GRIK1: variants seen among roughly 807,000 people sequenced by gnomAD.
GRIK1 encodes glutamate ionotropic receptor kainate type subunit 1, also known as glutamate receptor ionotropic, kainate 1.
In GRIK1, 69 loss-of-function variants were observed where a neutral mutation model predicts 105.7. The observed-to-expected ratio is 0.65, with a 90% CI of 0.54 to 0.80. The LOEUF (loss-of-function observed/expected upper bound fraction) is 0.80. GRIK1 is among the 30% of genes least tolerant of loss of function. GRIK1 has a pLI of 0.00. For synonymous variants in GRIK1, 438 were observed against 431.3 expected (o/e 1.02, Z -0.19); for missense variants, 1,109 against 1,167.3 (o/e 0.95, Z 0.73).
intron 1 of GRIK1, among the ~76,000 whole-genome samples, chr21:29,753,877 T>G (rs1335177220): frequency 2.0e-5 from 3 of 152,118 alleles, no homozygotes; most frequent in African/African-American, 7.2e-5. Flanking sequence ...ATATATAATA[T>G]ATAGTTATGT....
chr21:29,600,174 G>A (rs2061493213), intron 7 of GRIK1, among the ~76,000 whole-genome samples: 1 of 152,160 alleles, frequency 6.6e-6, no homozygotes, highest in Non-Finnish European at 1.5e-5. Flanking sequence ...AACTCACCTG[G>A]ATAATTTCCC....
At chr21:29,605,729 T>G (rs2061600976) in intron 7 of GRIK1, among the ~76,000 whole-genome samples, 1 of 152,188 alleles carries the variant, frequency 6.6e-6, no homozygotes, top group African/African-American at 2.4e-5. Flanking sequence ...CCAGCATCTG[T>G]TGAAAAGGAA....
chr21:29,785,586 C>T (rs886605462), intron 1 of GRIK1, among the ~76,000 whole-genome samples: 1 of 141,406 alleles, frequency 7.1e-6, no homozygotes, highest in Non-Finnish European at 1.5e-5. Flanking sequence ...AAAAAAAAAG[C>T]CCCCGAAAAA....
intron 1 of GRIK1, among the ~76,000 whole-genome samples, chr21:29,804,004 G>A (rs1255926478): frequency 6.6e-6 from 1 of 152,088 alleles, no homozygotes; most frequent in Non-Finnish European, 1.5e-5. Flanking sequence ...GATAAACCTG[G>A]TCTGGGAGAA....
At chr21:29,875,003 T>TG (rs1371676800) in intron 1 of GRIK1, among the ~76,000 whole-genome samples, 1 of 141,110 alleles carries the variant, frequency 7.1e-6, no homozygotes, top group Non-Finnish European at 1.5e-5. Flanking sequence ...GTTTCAGGGT[T>TG]TTTTTTTTTT....
chr21:29,674,051 G>A (rs374120269), intron 3 of GRIK1, among the ~76,000 whole-genome samples: 3 of 150,182 alleles, frequency 2.0e-5, no homozygotes, highest in African/African-American at 7.4e-5. Flanking sequence ...TCCATCATAC[G>A]GAAAAATTGA....
chr21:29,821,585 C>A (rs563265759), intron 1 of GRIK1, among the ~76,000 whole-genome samples: 4 of 152,048 alleles, frequency 2.6e-5, no homozygotes, highest in Admixed American at 2.6e-4. Flanking sequence ...AGTGTCACAC[C>A]ATGTTTTAAG....
intron 1 of GRIK1, among the ~76,000 whole-genome samples, chr21:29,846,935 A>C (rs556691408): frequency 6.6e-6 from 1 of 152,308 alleles, no homozygotes; most frequent in South Asian, 2.1e-4. Flanking sequence ...TCCCATCCTT[A>C]TTCAAATACA....
chr21:29,589,231 C>G (rs143814957), intron 10 of GRIK1, among the ~76,000 whole-genome samples, 189 bp from the exon 11 acceptor site: 1 of 152,094 alleles, frequency 6.6e-6, no homozygotes, highest in Non-Finnish European at 1.5e-5. Context: ...GTTTCTTTCC[C>G]TTCTGCGTCT....
rs1259704668 is a variant in GRIK1 at position 29,777,151 on chromosome 21, A to G, written c.119-83088T>C. ...TCAAAATCTCTGGAGATTAATATAA[A>G]TTCTGGAGATGAGCTTGAGGTGTCA... On this transcript the variant is annotated intron_variant, in intron 1 of 17. Coordinates refer to ENST00000327783, the MANE Select transcript of GRIK1 (RefSeq NM_001330994.2). Among the ~76,000 whole-genome samples the G allele has an allele frequency of 3.9e-5, 6 of 152,266 alleles. No individual in the cohort carries two copies. In the East Asian group the frequency reaches 1.2e-3, roughly 29 times the overall value.
chr21:29,811,122 G>A (rs13052175), intron 1 of GRIK1, among the ~76,000 whole-genome samples: 2,435 of 152,162 alleles, frequency 0.016, 33 homozygotes, highest in Non-Finnish European at 0.022. Context: ...TGTAAGTGGA[G>A]GGCGTCATTA....
At chr21:29,729,389 A>C (rs1453035352) in intron 1 of GRIK1, among the ~76,000 whole-genome samples, 1 of 152,126 alleles carries the variant, frequency 6.6e-6, no homozygotes. Context: ...GTTTTCCCCC[A>C]AAATCCACTG....
chr21:29,845,897 C>CACTCACCCTGTTACATGCTTTG (rs1209331247), intron 1 of GRIK1, among the ~76,000 whole-genome samples: 2 of 152,144 alleles, frequency 1.3e-5, no homozygotes, highest in Non-Finnish European at 2.9e-5. Flanking sequence ...AAAACCCTCT[C>CACTCACCCTGTTACATGCTTTG]ACTCACCCTG....
At chr21:29,730,191 C>A (rs552304309) in intron 1 of GRIK1, among the ~76,000 whole-genome samples, 7 of 152,042 alleles carry the variant, frequency 4.6e-5, no homozygotes, top group African/African-American at 1.7e-4. Flanking sequence ...TACATAATTG[C>A]GGTATAAATT....
At position 29,614,157 on chromosome 21, in the gene GRIK1, G is replaced by A. The variant is rs548354357; in HGVS notation, c.1099-15220C>T. Reference sequence around the variant, plus strand: ...TGATAGATTCCCTGGCACAACCATAGCAATCCAAAGCTCATACATTAATAT... The same window carrying A: ...TGATAGATTCCCTGGCACAACCATAACAATCCAAAGCTCATACATTAATAT... On this transcript the variant is annotated intron_variant, in intron 7 of 17. Coordinates refer to ENST00000327783, the MANE Select transcript of GRIK1 (RefSeq NM_001330994.2). Among the ~76,000 whole-genome samples, 11 of 152,190 alleles carry A rather than the reference G, an allele frequency of 7.2e-5. No individual in the cohort carries two copies. In the South Asian group the frequency reaches 1.2e-3, roughly 17 times the overall value.
At chr21:29,604,933 A>G (rs560134103) in intron 7 of GRIK1, among the ~76,000 whole-genome samples, 5 of 152,146 alleles carry the variant, frequency 3.3e-5, no homozygotes, top group African/African-American at 4.8e-5. Flanking sequence ...AAATGCACAT[A>G]TTTTATTATT....
Position 29,587,466 on chromosome 21 carries a change from G to T in GRIK1, c.1693C>A (p.Pro565Thr), listed in dbSNP as rs1421161768. ...GGGTTGAGGAAGGAGAAAACGCCTG[G>T]ATTGGTACCATTGGGCTTCCGGTAG... ...ILYRKPNGTN[P>T]GVFSFLNPLS... Residue 565 changes from proline to threonine, a missense_variant, in exon 12 of 18, where the codon CCA (proline) becomes ACA (threonine). By Grantham distance (38) the Pro-to-Thr change is conservative (BLOSUM62 -1). Coordinates refer to ENST00000327783, the MANE Select transcript of GRIK1 (RefSeq NM_001330994.2). 6.2e-7 allele frequency: 1 copy of T among 1,613,176 alleles called. No homozygotes were observed. The highest frequency in any genetic ancestry group is 1.7e-5 in the Admixed American group (1 of 60,012).
intron 1 of GRIK1, among the ~76,000 whole-genome samples, chr21:29,828,294 C>T (rs982960227): frequency 2.0e-5 from 3 of 151,898 alleles, no homozygotes; most frequent in African/African-American, 7.3e-5. Flanking sequence ...TAACAGACTG[C>T]CACAAACCCT....
intron 1 of GRIK1, among the ~76,000 whole-genome samples, chr21:29,874,198 G>T (rs956383888): frequency 6.6e-6 from 1 of 152,000 alleles, no homozygotes; most frequent in African/African-American, 2.4e-5. Flanking sequence ...AAAAATAATG[G>T]GTTTACTCTG....
Sources: allele counts gnomAD v4.1 joint callset (sites outside exome capture counted in the v4.1 genomes callset), GRCh38; gene constraint gnomAD v4.1.1; transcripts MANE v1.5; gene names NCBI Gene and HGNC (gene_info 2026-07-23, HGNC 2026-07-21).